Variants in GOLGA6C observed in about 807,000 individuals in gnomAD.
GOLGA6C encodes the protein golgin subfamily A member 6C.
GOLGA6C carries 3 observed loss-of-function variants against 57.5 expected under a neutral mutation model. That is an observed-to-expected ratio of 0.05 (90% CI 0.02 to 0.13). GOLGA6C has a LOEUF of 0.13. Among genes scored for constraint, GOLGA6C ranks in the 10% least tolerant of loss-of-function variants. The pLI is 1.00. For synonymous variants in GOLGA6C, 32 were observed against 203.8 expected (o/e 0.16, Z 7.18); for missense variants, 88 against 525.6 (o/e 0.17, Z 8.14).
In GOLGA6C at chr15:75,272,763, TA is replaced by T; in HGVS notation, c.*2566del. The stretch of plus-strand genomic sequence containing the variant: ...GCATGTAAATCATATAACAATAACT[TA>T]AGTCTTTCTTCAAAGTGCATGTGGT... On this transcript the variant is annotated 3_prime_UTR_variant, in exon 18 of 18. Transcript: ENST00000300576. Among the ~76,000 whole-genome samples, 1 of 151,242 alleles carries T rather than the reference TA, an allele frequency of 6.6e-6. No individual in the cohort carries two copies. The highest frequency in any genetic ancestry group is 1.5e-5 in the Non-Finnish European group (1 of 68,052).
Position 75,271,429 on chromosome 15 carries a change from CTCTCTGGCTA to C in GOLGA6C, c.*1231_*1240del, listed in dbSNP as rs1342419275. On this transcript the variant is annotated 3_prime_UTR_variant, in exon 18 of 18. Transcript: ENST00000300576. ...AGAAGATTGATTTTATCATCTAGAC[CTCTCTGGCTA>C]ATACCTATTCTTCAGCCACATTAGT... Among the ~76,000 whole-genome samples the C allele has an allele frequency of 7.7e-6, 1 of 129,202 alleles. No individual in the cohort carries two copies. Among genetic ancestry groups the C allele is most frequent in the East Asian group, 2.5e-4 (1 of 3,956 alleles). 84.8% of individuals were successfully genotyped at this position (129,202 alleles called of 152,430 possible).
intron 7 of GOLGA6C, among the ~76,000 whole-genome samples, chr15:75,264,430 G>A (rs1158601159): frequency 7.6e-6 from 1 of 131,634 alleles, no homozygotes; most frequent in African/African-American, 3.2e-5. Flanking sequence ...TCTGTAGAGA[G>A]AGGAAAGGGG....
rs201059958 is a variant in GOLGA6C, at chr15:75,270,161, C to T, written c.2044C>T (p.Gln682Ter). The change falls in exon 18 of 18, where the codon CAG (glutamine) becomes TAG (stop). Residue 682 changes from glutamine (Q) to a stop codon, truncating the protein, a stop_gained. Coordinates refer to ENST00000300576, the MANE Select transcript of GOLGA6C (RefSeq NM_001164404.2). LOFTEE classifies it high-confidence loss of function. ...TCCCCATGACAACCCCCCGGTACAGCAGATCGTGCAGCTGTCTCCTGTCAT... is the reference window on the plus strand; with the variant it reads ...TCCCCATGACAACCCCCCGGTACAGTAGATCGTGCAGCTGTCTCCTGTCAT... Reference protein sequence around the residue: ...GSPHDNPPVQQIVQLSPVMQD... With the variant: ...GSPHDNPPVQ 3.8e-4 allele frequency: 609 copies of T among 1,592,088 alleles called. 31 individuals are homozygous for T. Among genetic ancestry groups the T allele is most frequent in the Non-Finnish European group, 3.4e-4 (404 of 1,174,466 alleles).
At position 75,272,855 on chromosome 15, in the gene GOLGA6C, A is replaced by G. The variant is rs1487025732; in HGVS notation, c.*2656A>G. On this transcript the variant is annotated 3_prime_UTR_variant, in exon 18 of 18. Transcript: ENST00000300576. ...CTCATTCAGTTTAAGGCAGCTTTCA[A>G]TTTGCTTAGAAGGCAACATTAGAAG... 6.6e-6 allele frequency among the ~76,000 whole-genome samples: 1 copy of G among 151,976 alleles called. No homozygotes were observed. Among genetic ancestry groups the G allele is most frequent in the Non-Finnish European group, 1.5e-5 (1 of 68,024 alleles).
At chr15:75,265,063 C>T (rs2070751725) in intron 7 of GOLGA6C, 59 bp from the exon 8 acceptor site, 1 of 1,600,080 alleles carries the variant, frequency 6.2e-7, no homozygotes, top group Non-Finnish European at 8.5e-7. Context: ...AGCCCTAGCC[C>T]TTTTAAGGGG....
intron 1 of GOLGA6C, 101 bp downstream of exon 1, chr15:75,258,783 G>A (rs1448695891): frequency 1.6e-5 from 11 of 679,220 alleles, no homozygotes; most frequent in African/African-American, 1.3e-4. Context: ...GAGGCACACC[G>A]GGCTGGGCCC....
At chr15:75,265,593 C>T in intron 9 of GOLGA6C, 24 bp from the exon 10 acceptor site, 1 of 595,766 alleles carries the variant, frequency 1.7e-6, no homozygotes, top group South Asian at 2.0e-5. Flanking sequence ...CTCTCCAGGG[C>T]CCTTTCCCCT....
At chr15:75,259,213 A>G (rs1222617692) in intron 1 of GOLGA6C, among the ~76,000 whole-genome samples, 2,921 of 148,502 alleles carry the variant, frequency 0.02, 23 homozygotes, top group Admixed American at 0.086. Context: ...CAACTCAGCC[A>G]TTGCACTGAT....
rs1221331672 is a variant in GOLGA6C, at chr15:75,273,250, G to A, written c.*3051G>A. Reference sequence around the variant, plus strand: ...CTGTAGTTTGAAAGAAAGAAACTGGGGGAAGGAAAAGTAGAGAAAGAAATG... The same window carrying A: ...CTGTAGTTTGAAAGAAAGAAACTGGAGGAAGGAAAAGTAGAGAAAGAAATG... On this transcript the variant is annotated 3_prime_UTR_variant, in exon 18 of 18. Transcript: ENST00000300576. Among the ~76,000 whole-genome samples the A allele has an allele frequency of 6.6e-6, 1 of 152,022 alleles. No individual in the cohort carries two copies.
At position 75,271,153 on chromosome 15, in the gene GOLGA6C, AT is replaced by A. The variant is rs2070787135; in HGVS notation, c.*957del. ...TGGAAAACCTTTTCTAGCTTAGAGC[AT>A]TTATATCTACAATACATTTTAAAGT... On this transcript the variant is annotated 3_prime_UTR_variant, in exon 18 of 18. Transcript: ENST00000300576. 1.6e-5 allele frequency among the ~76,000 whole-genome samples: 1 copy of A among 64,280 alleles called. No homozygotes were observed. Among genetic ancestry groups the A allele is most frequent in the Non-Finnish European group, 2.9e-5 (1 of 34,622 alleles). 42.2% of individuals were successfully genotyped at this position (64,280 alleles called of 152,430 possible). A position where few individuals can be genotyped will look rare whatever the true frequency, so the allele number is the denominator to read the frequency against.
At position 75,270,318 on chromosome 15, in the gene GOLGA6C, C is replaced by T. The variant is rs1462550555; in HGVS notation, c.*119C>T. 6.7e-7 allele frequency: 1 copy of T among 1,485,974 alleles called. No individual in the cohort carries two copies. The highest frequency in any genetic ancestry group is 2.5e-5 in the East Asian group (1 of 40,602). 92.0% of individuals were successfully genotyped at this position (1,485,974 alleles called of 1,614,324 possible). On this transcript the variant is annotated 3_prime_UTR_variant, in exon 18 of 18. Coordinates refer to ENST00000300576, the MANE Select transcript of GOLGA6C (RefSeq NM_001164404.2). ...GTCAAGAAATTTAAAACAACAACAA[C>T]AAAAAGTTACGGGGTTCATCTCCTA...
intron 1 of GOLGA6C, among the ~76,000 whole-genome samples, chr15:75,258,905 G>A (rs1386434646): frequency 6.6e-6 from 1 of 150,946 alleles, no homozygotes; most frequent in East Asian, 2.0e-4. Context: ...GTGACTTTGG[G>A]CGGATGACTA....
Position 75,270,215 on chromosome 15 carries a change from C to T in GOLGA6C, c.*16C>T, listed in dbSNP as rs769647265. 20 of 1,590,704 alleles carry T rather than the reference C, an allele frequency of 1.3e-5. No individual in the cohort carries two copies. The highest frequency in any genetic ancestry group is 1.5e-5 in the Non-Finnish European group (18 of 1,173,114). The stretch of plus-strand genomic sequence containing the variant: ...GGACACCTAGGAGCACCCAGGCTTG[C>T]CCAGCAAACCCTGCGTGCCATTCTT... On this transcript the variant is annotated 3_prime_UTR_variant, in exon 18 of 18. Transcript: ENST00000300576.
In GOLGA6C at chr15:75,258,676, G is replaced by A. The variant is rs1469840685; in HGVS notation, c.78G>A (p.Lys26=). 1 of 500,136 alleles carries A rather than the reference G, an allele frequency of 2.0e-6. No homozygotes were observed. The highest frequency in any genetic ancestry group is 3.6e-6 in the Non-Finnish European group (1 of 274,776). 31.0% of individuals were successfully genotyped at this position (500,136 alleles called of 1,614,324 possible). A position where few individuals can be genotyped will look rare whatever the true frequency, so the allele number is the denominator to read the frequency against. ...GACAGAATAAATTGGCAGCAGCCAA[G>A]AAAAAGGTAAAAAGCCAAGAAAAAG... ...ESRQNKLAAA[K]KKLKEYQQRK... is the part of the protein sequence containing the mutation. Residue 26 remains lysine, a synonymous_variant, in exon 1 of 18, where the codon AAG becomes AAA. Transcript: ENST00000300576.
rs1390297499 is a variant in GOLGA6C, at chr15:75,260,284, G to A, written c.85-89G>A. The A allele has an allele frequency of 5.6e-6, 7 of 1,256,614 alleles. 2 individuals carry two copies. In the Admixed American group the frequency reaches 1.1e-4, roughly 20 times the overall value. 77.8% of individuals were successfully genotyped at this position (1,256,614 alleles called of 1,614,324 possible). ...TGTTGGTGGCATTAAATCAGATGGT[G>A]TATAAGAGTATTTTGCAAAAACTGT... is the stretch of plus-strand genomic sequence containing the variant. On this transcript the variant is annotated intron_variant, in intron 1 of 17. Coordinates refer to ENST00000300576, the MANE Select transcript of GOLGA6C (RefSeq NM_001164404.2).
intron 1 of GOLGA6C, among the ~76,000 whole-genome samples, chr15:75,259,458 C>T (rs1342740263): frequency 5.7e-5 from 4 of 70,086 alleles, no homozygotes; most frequent in South Asian, 5.2e-4. Context: ...ACATAGACAT[C>T]GACAGTGTGA....
intron 14 of GOLGA6C, 114 bp from the exon 15 acceptor site, chr15:75,269,339 T>G: frequency 1.7e-6 from 1 of 583,116 alleles, no homozygotes; most frequent in East Asian, 3.0e-5. Context: ...TACCGGGCCC[T>G]GAAGGAGGCC....
chr15:75,269,111 C>T (rs1461976385), intron 14 of GOLGA6C, among the ~76,000 whole-genome samples: 2 of 136,702 alleles, frequency 1.5e-5, no homozygotes, highest in East Asian at 2.3e-4. Flanking sequence ...TCTGTCTATG[C>T]CCCTACAAGA....
intron 1 of GOLGA6C, among the ~76,000 whole-genome samples, 197 bp downstream of exon 1, chr15:75,258,879 C>G (rs1029065037): frequency 1.3e-5 from 2 of 151,206 alleles, no homozygotes; most frequent in African/African-American, 4.9e-5. Flanking sequence ...CCTCTGCCCT[C>G]GCCAATCACC....
Sources: gnomAD v4.1 joint callset for allele counts (sites outside exome capture counted in the v4.1 genomes callset) on GRCh38, gnomAD v4.1.1 for gene constraint, MANE v1.5 for transcripts, NCBI Gene and HGNC (gene_info 2026-07-23, HGNC 2026-07-21) for gene names.